IGFL4: variants seen among roughly 807,000 people sequenced by gnomAD.
IGFL4 encodes the protein IGF like family member 4, also known as insulin growth factor-like family member 4.
A neutral mutation model predicts 15.4 loss-of-function variants in IGFL4; 12 were observed. The ratio of observed to expected loss-of-function variants is 0.78; its 90% CI spans 0.50 to 1.26. IGFL4 has a LOEUF of 1.26. Among genes scored for constraint, IGFL4 ranks in the 50% most tolerant of loss-of-function variants. The pLI, the probability that IGFL4 is intolerant of heterozygous loss-of-function variation, is 0.00. For missense variants in IGFL4, 126 were observed against 147.8 expected (o/e 0.85, Z 0.76); for synonymous variants, 54 against 55.9 (o/e 0.97, Z 0.16).
intron 2 of IGFL4, among the ~76,000 whole-genome samples, chr19:46,055,893 C>T (rs889570158): frequency 2.6e-5 from 4 of 152,162 alleles, no homozygotes; most frequent in Non-Finnish European, 4.4e-5. Flanking sequence ...TCTCCCGCCT[C>T]AGCCTCCCGA....
chr19:46,074,394 A>C (rs1249753549), intron 1 of IGFL4, among the ~76,000 whole-genome samples: 1 of 151,690 alleles, frequency 6.6e-6, no homozygotes, highest in Non-Finnish European at 1.5e-5. Context: ...ATGTATACTT[A>C]TTATAATTAA....
At chr19:46,046,643 A>T (rs186316314) in intron 2 of IGFL4, among the ~76,000 whole-genome samples, 77 of 152,340 alleles carry the variant, frequency 5.1e-4, no homozygotes, top group African/African-American at 1.8e-3. Context: ...AAACCAACAA[A>T]AATCCAGAAA....
At chr19:46,042,136 A>ATTGT (rs149156646), upstream of IGFL4, among the ~76,000 whole-genome samples, 2 of 151,664 alleles carry the variant, frequency 1.3e-5, no homozygotes, top group South Asian at 4.1e-4. Flanking sequence ...TTTGCACTCC[A>ATTGT]GCCTGGCCTC....
At chr19:46,054,574 C>A (rs1457701967) in intron 2 of IGFL4, among the ~76,000 whole-genome samples, 2 of 152,138 alleles carry the variant, frequency 1.3e-5, no homozygotes, top group Non-Finnish European at 2.9e-5. Flanking sequence ...CTCAAGATTG[C>A]TTTGGCTTTT....
chr19:46,077,305 G>A (rs571118484), upstream of IGFL4, among the ~76,000 whole-genome samples: 7 of 152,322 alleles, frequency 4.6e-5, no homozygotes, highest in East Asian at 1.3e-3. This position sits in a 1 kb window ranked among gnomAD's most constrained non-coding sequence, Gnocchi z 5.4. Context: ...CGCTATGGGG[G>A]TGCACGCTGG....
At chr19:46,046,021 C>A (rs1034355335) in intron 2 of IGFL4, among the ~76,000 whole-genome samples, 1 of 152,060 alleles carries the variant, frequency 6.6e-6, no homozygotes, top group Non-Finnish European at 1.5e-5. Context: ...GAGAGAAAGG[C>A]CAGGTAACCT....
intron 1 of IGFL4, among the ~76,000 whole-genome samples, chr19:46,074,314 T>C (rs1341162189): frequency 6.6e-6 from 1 of 151,370 alleles, no homozygotes; most frequent in Non-Finnish European, 1.5e-5. Flanking sequence ...CACACATATA[T>C]ATATCTTATT....
rs1380821801 is a variant in IGFL4, at chr19:46,040,066, G to A, written c.330+91C>T. 2.6e-6 allele frequency: 4 copies of A among 1,545,600 alleles called. No individual in the cohort carries two copies. The African/African-American group carries it at 4.1e-5, about 16-fold the overall frequency. On this transcript the variant is annotated intron_variant, in intron 3 of 3. Coordinates refer to ENST00000377697, the MANE Select transcript of IGFL4 (RefSeq NM_001002923.3). This position sits in a 1 kb window ranked among gnomAD's most constrained non-coding sequence, Gnocchi z 4.1. ...GAGAGATGGGAAGGTATGGAACCCA[G>A]CAGAGACTGCACATCTGGGTGGGAC...
At chr19:46,053,376 G>A (rs1490960460) in intron 2 of IGFL4, among the ~76,000 whole-genome samples, 1 of 152,056 alleles carries the variant, frequency 6.6e-6, no homozygotes, top group East Asian at 1.9e-4. Flanking sequence ...CACCACGCCT[G>A]GCTAACTTTT....
intron 1 of IGFL4, among the ~76,000 whole-genome samples, chr19:46,074,539 C>T (rs944152901): frequency 2.6e-5 from 4 of 152,000 alleles, no homozygotes; most frequent in Non-Finnish European, 4.4e-5. Context: ...GAAGCCAGTC[C>T]GAGTCCCAAA....
chr19:46,066,529 G>A (rs1166644391), intron 1 of IGFL4, among the ~76,000 whole-genome samples: 1 of 152,146 alleles, frequency 6.6e-6, no homozygotes, highest in African/African-American at 2.4e-5. Context: ...AATTTACAGA[G>A]AAAAGACGCT....
chr19:46,057,055 A>C (rs6509250), intron 2 of IGFL4, among the ~76,000 whole-genome samples: 129,628 of 152,008 alleles, frequency 0.85, 55,729 homozygotes, highest in African/African-American at 0.93. Flanking sequence ...AGGATTTGAT[A>C]CAAATGACCA....
intron 1 of IGFL4, among the ~76,000 whole-genome samples, chr19:46,067,735 G>C (rs1969508506): frequency 6.6e-6 from 1 of 152,126 alleles, no homozygotes; most frequent in African/African-American, 2.4e-5. Flanking sequence ...CAGGGCCCCA[G>C]GTTGGCAGCC....
rs184989680 is a variant in IGFL4, at chr19:46,059,746, T to C, written c.-323+439A>G. 4 of 152,350 alleles carry C rather than the reference T, an allele frequency of 2.6e-5. No homozygotes were observed. In the East Asian group the frequency reaches 5.8e-4, roughly 22 times the overall value. The allele number at this position is 152,350 out of a possible 1,614,324, so 9.4% of individuals were successfully genotyped here. ...TTATTTGTATAAAGTGCAGCAATAATAATTATTTTTCACAGAGGCTTTTAA... is the reference window on the plus strand; with the variant it reads ...TTATTTGTATAAAGTGCAGCAATAACAATTATTTTTCACAGAGGCTTTTAA... On this transcript the variant is annotated intron_variant, in intron 2 of 5. Coordinates refer to the IGFL4 transcript ENST00000601672.
chr19:46,064,058 C>A (rs1247688532), intron 1 of IGFL4, among the ~76,000 whole-genome samples: 1 of 139,872 alleles, frequency 7.1e-6, no homozygotes, highest in East Asian at 2.0e-4. Context: ...GGTGACAGAA[C>A]GAGACTCCAC....
chr19:46,040,184 G>A lies in IGFL4; in HGVS notation c.303C>T (p.Ser101=). 6.2e-7 allele frequency: 1 copy of A among 1,614,038 alleles called. No individual in the cohort carries two copies. The highest frequency in any genetic ancestry group is 8.5e-7 in the Non-Finnish European group (1 of 1,180,034). ...KVPGMKPDCK[S]SPITRICAQE... ...GGGCACAGATCCTGGTGATAGGGGA[G>A]GACTTGCAATCTGGCTTCATGCCTG... The change falls in exon 3 of 4, where the codon TCC becomes TCT. Residue 101 remains serine (S), a synonymous_variant. Transcript: ENST00000377697. The surrounding 1 kb of genome is among the most constrained non-coding windows in gnomAD (Gnocchi z 4.1).
At chr19:46,066,576 A>G (rs944079937) in intron 1 of IGFL4, among the ~76,000 whole-genome samples, 1 of 152,226 alleles carries the variant, frequency 6.6e-6, no homozygotes, top group Non-Finnish European at 1.5e-5. Flanking sequence ...TATAGGAAGC[A>G]TGGTGCTGGC....
In IGFL4 at chr19:46,040,641, T is replaced by C. The variant is rs1969232857; in HGVS notation, c.20-73A>G. 1.3e-6 allele frequency: 2 copies of C among 1,510,360 alleles called. No homozygotes were observed. The highest frequency in any genetic ancestry group is 1.8e-6 in the Non-Finnish European group (2 of 1,091,254). The allele number at this position is 1,510,360 out of a possible 1,614,324, so 93.6% of individuals were successfully genotyped here. A position where few individuals can be genotyped will look rare whatever the true frequency, so the allele number is the denominator to read the frequency against. On this transcript the variant is annotated intron_variant, in intron 1 of 3. Coordinates refer to ENST00000377697, the MANE Select transcript of IGFL4 (RefSeq NM_001002923.3). This position sits in a 1 kb window ranked among gnomAD's most constrained non-coding sequence, Gnocchi z 4.1. ...TGACCACGGGGCACAGGATGATGTC[T>C]CTGAGCTTCTCTGGTTGCTGTTAAC... is the stretch of plus-strand genomic sequence containing the variant.
intron 1 of IGFL4, among the ~76,000 whole-genome samples, chr19:46,076,089 C>G (rs1600682054): frequency 6.6e-6 from 1 of 152,196 alleles, no homozygotes; most frequent in African/African-American, 2.4e-5. Flanking sequence ...AAGATGACAT[C>G]TTTCACTGTA....
Sources: allele counts gnomAD v4.1 joint callset (sites outside exome capture counted in the v4.1 genomes callset), GRCh38; gene constraint gnomAD v4.1.1; non-coding constraint Gnocchi (gnomAD v3.1); transcripts MANE v1.5; gene names NCBI Gene and HGNC (gene_info 2026-07-23, HGNC 2026-07-21).